SLIT3: variants seen among roughly 807,000 people sequenced by gnomAD.
SLIT3 encodes the protein slit homolog 3 protein.
In SLIT3, 68 loss-of-function variants were observed where a neutral mutation model predicts 184.0. That is an observed-to-expected ratio of 0.37 (90% CI 0.30 to 0.45). The LOEUF is 0.45. Among genes scored for constraint, SLIT3 ranks in the 20% least tolerant of loss-of-function variants. SLIT3 has a pLI of 1.00. For missense variants in SLIT3, 1,707 were observed against 2,026.0 expected, an observed-to-expected ratio of 0.84 and a Z score of 3.02; for synonymous variants, 831 against 828.6, an observed-to-expected ratio of 1.00 and a Z score of -0.05.
chr5:168,735,218 CT>C (rs1763394133), intron 20 of SLIT3, among the ~76,000 whole-genome samples: 1 of 152,212 alleles, frequency 6.6e-6, no homozygotes, highest in Admixed American at 6.5e-5. Context: ...ACACATCTGC[CT>C]TGCATGAAAC....
chr5:168,696,171 T>G, intron 28 of SLIT3, 121 bp downstream of exon 28: 1 of 1,256,360 alleles, frequency 8.0e-7, no homozygotes, highest in Non-Finnish European at 1.1e-6. Context: ...CATATCACAG[T>G]CTTGGGGTCT....
intron 14 of SLIT3, among the ~76,000 whole-genome samples, chr5:168,765,302 C>T (rs191893531): frequency 1.5e-3 from 233 of 152,278 alleles, no homozygotes; most frequent in Non-Finnish European, 2.8e-3. Flanking sequence ...GCAATGGAGC[C>T]GCTGACCCAT....
chr5:168,905,917 A>G (rs991596431), intron 4 of SLIT3, among the ~76,000 whole-genome samples: 1 of 152,230 alleles, frequency 6.6e-6, no homozygotes, highest in South Asian at 2.1e-4. Context: ...ATTACCAATC[A>G]TTCTGGAGTG....
chr5:168,775,997 C>T (rs758334333), intron 12 of SLIT3, among the ~76,000 whole-genome samples: 18 of 152,198 alleles, frequency 1.2e-4, no homozygotes, highest in African/African-American at 1.9e-4. Context: ...TATCCCCTCT[C>T]GAATGAAACT....
chr5:169,156,941 G>T (rs190090085), intron 4 of SLIT3, among the ~76,000 whole-genome samples: 50 of 152,278 alleles, frequency 3.3e-4, no homozygotes, highest in Admixed American at 7.8e-4. Flanking sequence ...TTTTCCTTTT[G>T]CTTCATATAT....
intron 8 of SLIT3, 75 bp downstream of exon 8, chr5:168,817,225 T>G (rs749760787): frequency 1.2e-5 from 17 of 1,404,450 alleles, no homozygotes; most frequent in Non-Finnish European, 1.6e-5. Context: ...GTGTTCAAGG[T>G]CAGGGTGATG....
chr5:169,111,894 T>A (rs192779720), intron 4 of SLIT3, among the ~76,000 whole-genome samples: 144 of 152,270 alleles, frequency 9.5e-4, no homozygotes, highest in South Asian at 1.5e-3. Context: ...GTACTAGATA[T>A]CTGGGGGTGT....
At chr5:168,836,415 G>T (rs1758055796) in intron 6 of SLIT3, among the ~76,000 whole-genome samples, 1 of 152,194 alleles carries the variant, frequency 6.6e-6, no homozygotes, top group African/African-American at 2.4e-5. Context: ...TCAGGCAGGG[G>T]CACCTTTGCA....
chr5:169,148,553 TA>T (rs1762008872), intron 4 of SLIT3, among the ~76,000 whole-genome samples: 1 of 152,178 alleles, frequency 6.6e-6, no homozygotes, highest in African/African-American at 2.4e-5. Context: ...TTCTAGAGAG[TA>T]ATTAAATGCA....
chr5:169,094,933 T>A (rs1403364159), intron 4 of SLIT3, among the ~76,000 whole-genome samples: 2 of 152,200 alleles, frequency 1.3e-5, no homozygotes, highest in Admixed American at 1.3e-4. Flanking sequence ...TGGCACTTCA[T>A]AGAGACAGCT....
intron 3 of SLIT3, among the ~76,000 whole-genome samples, chr5:169,209,837 C>A (rs143579176): frequency 6.6e-6 from 1 of 152,134 alleles, no homozygotes; most frequent in Non-Finnish European, 1.5e-5. Flanking sequence ...AGAGAAATAC[C>A]CAATGTAGAA....
rs397999882 is a variant in SLIT3, at chr5:169,002,322, C to CAAAAA, written c.414-118991_414-118987dup. Among the ~76,000 whole-genome samples, 67 of 24,202 alleles carry CAAAAA rather than the reference C, an allele frequency of 2.8e-3. 4 individuals carry two copies. The highest frequency in any genetic ancestry group is 7.4e-3 in the Admixed American group (8 of 1,086). The allele number at this position is 24,202 out of a possible 152,430, so 15.9% of individuals were successfully genotyped here. ...TGAGCAACAGAACGAGACTCTGTCTCAAAAAAAAAAAAAAAAAAAAAAAAA... is the reference window on the plus strand; with the variant it reads ...TGAGCAACAGAACGAGACTCTGTCTCAAAAAAAAAAAAAAAAAAAAAAAAAAAAAA... On this transcript the variant is annotated intron_variant, in intron 4 of 35. Coordinates refer to ENST00000519560, the MANE Select transcript of SLIT3 (RefSeq NM_003062.4).
At position 168,898,396 on chromosome 5, in the gene SLIT3, CTTT is replaced by C. The variant is rs67374761; in HGVS notation, c.414-15063_414-15061del. 9.9e-3 allele frequency among the ~76,000 whole-genome samples: 1,403 copies of C among 141,858 alleles called. 21 individuals carry two copies. Among genetic ancestry groups the C allele is most frequent in the African/African-American group, 0.034 (1,308 of 38,448 alleles). 93.1% of individuals were successfully genotyped at this position (141,858 alleles called of 152,430 possible). ...TCTATAGCATTTTTATGGAGGGAGA[CTTT>C]TTTTTTTTTTTTTTAAAGATCCAGC... On this transcript the variant is annotated intron_variant, in intron 4 of 35. Transcript: ENST00000519560.
chr5:168,936,255 A>T (rs1210953101), intron 4 of SLIT3, among the ~76,000 whole-genome samples: 1 of 152,138 alleles, frequency 6.6e-6, no homozygotes, highest in African/African-American at 2.4e-5. Flanking sequence ...CTTCTTTTTG[A>T]GGCAGAGTCT....
chr5:168,761,875 A>C (rs968088763), intron 15 of SLIT3, among the ~76,000 whole-genome samples: 1 of 151,280 alleles, frequency 6.6e-6, no homozygotes, highest in Non-Finnish European at 1.5e-5. Context: ...GGTAGCTGAG[A>C]CCACAGGTGC....
At chr5:168,774,147 G>C (rs1424045638) in intron 13 of SLIT3, 88 bp downstream of exon 13, 1 of 1,301,074 alleles carries the variant, frequency 7.7e-7, no homozygotes, top group Non-Finnish European at 1.1e-6. Context: ...ATGTGCTCGT[G>C]CTGCCCTCAT....
At chr5:168,753,820 G>T in intron 17 of SLIT3, 44 bp downstream of exon 17, 5 of 1,589,494 alleles carry the variant, frequency 3.1e-6, no homozygotes, top group Non-Finnish European at 4.3e-6. Context: ...CTGCCCTCCC[G>T]TCTCCCTCTG....
At chr5:168,978,899 T>G (rs1754854342) in intron 4 of SLIT3, among the ~76,000 whole-genome samples, 1 of 44,652 alleles carries the variant, frequency 2.2e-5, no homozygotes, top group African/African-American at 9.3e-5. Flanking sequence ...CTTAATGGAA[T>G]GGGGAGCTCA....
At chr5:168,988,164 C>T (rs1755199577) in intron 4 of SLIT3, among the ~76,000 whole-genome samples, 1 of 152,204 alleles carries the variant, frequency 6.6e-6, no homozygotes, top group Non-Finnish European at 1.5e-5. Context: ...ACCATTTTGT[C>T]TGAGACTTTC....
Sources: allele counts gnomAD v4.1 joint callset (sites outside exome capture counted in the v4.1 genomes callset), GRCh38; gene constraint gnomAD v4.1.1; transcripts MANE v1.5; gene names NCBI Gene and HGNC (gene_info 2026-07-23, HGNC 2026-07-21).